SYNE2: variants seen among roughly 807,000 people sequenced by gnomAD.
SYNE2 encodes spectrin repeat containing nuclear envelope protein 2.
In SYNE2, 431 loss-of-function variants were observed where a neutral mutation model predicts 856.3. That is an observed-to-expected ratio of 0.50 (90% CI 0.47 to 0.55). The LOEUF (loss-of-function observed/expected upper bound fraction) is 0.55. SYNE2 is among the 20% of genes least tolerant of loss of function. SYNE2 has a pLI of 0.00. For synonymous variants in SYNE2, 2,923 were observed against 2,872.3 expected (o/e 1.02, Z -0.56); for missense variants, 8,129 against 8,023.2 (o/e 1.01, Z -0.50).
At chr14:64,167,093 T>A in intron 90 of SYNE2, 140 bp from the exon 91 acceptor site, 1 of 1,030,084 alleles carries the variant, frequency 9.7e-7, no homozygotes, top group Non-Finnish European at 1.4e-6. Context: ...ACTCTAACAT[T>A]AGCAAGCTGT....
chr14:63,828,767 G>C (rs192164704), intron 1 of SYNE2, among the ~76,000 whole-genome samples: 153 of 152,010 alleles, frequency 1.0e-3, no homozygotes, highest in African/African-American at 3.5e-3. Context: ...TAAAAATAAA[G>C]TGTATGGGAG....
intron 1 of SYNE2, among the ~76,000 whole-genome samples, chr14:63,857,474 C>G (rs1892130676): frequency 6.6e-6 from 1 of 152,036 alleles, no homozygotes; most frequent in Non-Finnish European, 1.5e-5. Flanking sequence ...TTTCATTTCC[C>G]CTGGGTAGAT....
At chr14:63,950,596 A>G (rs1019454974) in intron 7 of SYNE2, among the ~76,000 whole-genome samples, 1 of 152,212 alleles carries the variant, frequency 6.6e-6, no homozygotes, top group African/African-American at 2.4e-5. Flanking sequence ...TTGAATATGT[A>G]TATGAGTATA....
At chr14:63,833,431 A>G (rs1889738881) in intron 1 of SYNE2, among the ~76,000 whole-genome samples, 1 of 152,200 alleles carries the variant, frequency 6.6e-6, no homozygotes, top group African/African-American at 2.4e-5. Context: ...GTGGATCAAA[A>G]AAAGAAAAAA....
At chr14:64,103,086 T>G (rs376990598) in intron 64 of SYNE2, among the ~76,000 whole-genome samples, 4 of 152,352 alleles carry the variant, frequency 2.6e-5, no homozygotes, top group African/African-American at 9.6e-5. Context: ...CTATCTTGGC[T>G]ACCGTGAATC....
intron 10 of SYNE2, among the ~76,000 whole-genome samples, chr14:63,966,570 C>A (rs1566929753): frequency 7.0e-6 from 1 of 143,326 alleles, no homozygotes; most frequent in Admixed American, 6.8e-5. Flanking sequence ...CTTTTTTTTC[C>A]CCCCCCGAGA....
At chr14:64,053,709 G>A (rs761386928) in intron 48 of SYNE2, 52 bp downstream of exon 48, 2 of 1,561,668 alleles carry the variant, frequency 1.3e-6, no homozygotes, top group African/African-American at 1.4e-5. Flanking sequence ...GCTCACGCCT[G>A]TAATCCCAGC....
intron 1 of SYNE2, among the ~76,000 whole-genome samples, chr14:63,831,124 G>A (rs1889653143): frequency 6.6e-6 from 1 of 152,034 alleles, no homozygotes; most frequent in Non-Finnish European, 1.5e-5. Flanking sequence ...TTACAGGAGT[G>A]AGCCACAGCA....
Position 64,186,458 on chromosome 14 carries a change from A to G in SYNE2, c.17591A>G (p.Asn5864Ser), listed in dbSNP as rs566886977. ...CAGTCTTTGGCTAGCTGGACTCAGAACTTGAAAGAACTTCAAACTATGAAG... is the reference window on the plus strand; with the variant it reads ...CAGTCTTTGGCTAGCTGGACTCAGAGCTTGAAAGAACTTCAAACTATGAAG... The part of the protein sequence containing the change: ...LEQSLASWTQ[N>S]LKELQTMKAD... The change falls in exon 97 of 116, where the codon AAC becomes AGC. Residue 5864 changes from asparagine (N) to serine (S), a missense_variant. Asn to Ser is a conservative substitution (Grantham distance 46). This residue lies in a region of SYNE2 where 5,410 missense variants were observed against 5,284.8 expected (regional missense o/e 1.02). Transcript: ENST00000555002. The G allele has an allele frequency of 2.1e-5, 34 of 1,614,246 alleles. No individual in the cohort carries two copies. In the Admixed American group the frequency reaches 3.3e-4, roughly 16 times the overall value.
intron 95 of SYNE2, among the ~76,000 whole-genome samples, chr14:64,175,791 G>A (rs1296705254): frequency 2.0e-5 from 3 of 152,066 alleles, no homozygotes; most frequent in Non-Finnish European, 4.4e-5. Context: ...GCCAAAACTA[G>A]ATAACCAAAC....
intron 57 of SYNE2, among the ~76,000 whole-genome samples, chr14:64,086,615 A>G (rs767785198): frequency 4.6e-5 from 7 of 151,848 alleles, no homozygotes; most frequent in Admixed American, 2.0e-4. Context: ...CATAGTGACT[A>G]TTCAATCCAG....
At chr14:64,084,714 A>T (rs2097547207) in intron 57 of SYNE2, 1 of 442,058 alleles carries the variant, frequency 2.3e-6, no homozygotes. Flanking sequence ...TTTTTGTGTA[A>T]CATATTACTC....
chr14:64,162,836 A>G (rs1272796488), intron 88 of SYNE2: 1 of 194,374 alleles, frequency 5.1e-6, no homozygotes, highest in East Asian at 1.2e-4. Context: ...GGTCAAATCA[A>G]AACGTGGCAA....
At chr14:63,934,040 A>G (rs1460988912) in intron 2 of SYNE2, among the ~76,000 whole-genome samples, 1 of 152,238 alleles carries the variant, frequency 6.6e-6, no homozygotes, top group East Asian at 1.9e-4. Flanking sequence ...TTGAGCTGCT[A>G]TAAAGGTGTT....
At position 63,948,519 on chromosome 14, in the gene SYNE2, G is replaced by A. The variant is rs1000688509; in HGVS notation, c.409-1306G>A. Reference sequence around the variant, plus strand: ...TCTACTAAAAATACAAAAATTAGCCGGGAGTGGTGGCGTGCGCCTGTAATC... The same window carrying A: ...TCTACTAAAAATACAAAAATTAGCCAGGAGTGGTGGCGTGCGCCTGTAATC... On this transcript the variant is annotated intron_variant, in intron 6 of 115. Coordinates refer to ENST00000555002, the MANE Select transcript of SYNE2 (RefSeq NM_182914.3). Among the ~76,000 whole-genome samples, 6 of 151,350 alleles carry A rather than the reference G, an allele frequency of 4.0e-5. 1 individual carries two copies. Among genetic ancestry groups the A allele is most frequent in the East Asian group, 3.9e-4 (2 of 5,122 alleles).
At chr14:63,867,637 G>C in intron 1 of SYNE2, among the ~76,000 whole-genome samples, 1 of 152,124 alleles carries the variant, frequency 6.6e-6, no homozygotes, top group Non-Finnish European at 1.5e-5. Context: ...GGTGAAGGTT[G>C]CAGTAAGCCG....
chr14:64,085,802 G>A (rs1008546781), intron 57 of SYNE2, among the ~76,000 whole-genome samples: 33 of 152,116 alleles, frequency 2.2e-4, no homozygotes, highest in African/African-American at 7.2e-4. Flanking sequence ...TTGGTCATTT[G>A]TACACTTCCT....
In SYNE2 at chr14:64,053,374, G is replaced by A. The variant is rs542639015; in HGVS notation, c.9461G>A (p.Cys3154Tyr). The A allele has an allele frequency of 1.2e-6, 2 of 1,613,812 alleles. No individual in the cohort carries two copies. Among genetic ancestry groups the A allele is most frequent in the Admixed American group, 1.7e-5 (1 of 59,980 alleles). Residue 3154 changes from cysteine (C) to tyrosine (Y), a missense_variant, in exon 48 of 116, where the codon TGT becomes TAT. Transcript: ENST00000555002. ...LSPKELDEKNCQDKLETSLHV... is the reference protein window; with the variant it reads ...LSPKELDEKNYQDKLETSLHV... ...CCAAAAGAATTGGATGAAAAGAATTGTCAGGACAAACTAGAAACTTCCTTA... is the reference window on the plus strand; with the variant it reads ...CCAAAAGAATTGGATGAAAAGAATTATCAGGACAAACTAGAAACTTCCTTA...
intron 44 of SYNE2, 91 bp downstream of exon 44, chr14:64,030,150 T>A (rs980119802): frequency 7.9e-7 from 1 of 1,272,316 alleles, no homozygotes. Context: ...TGTCAGAAAT[T>A]CCAGTGGTAT....
Sources: allele counts gnomAD v4.1 joint callset (sites outside exome capture counted in the v4.1 genomes callset), GRCh38; gene constraint gnomAD v4.1.1; regional missense constraint gnomAD v4.1.1; transcripts MANE v1.5; gene names NCBI Gene and HGNC (gene_info 2026-07-23, HGNC 2026-07-21).